The following NDST3 variants were observed in gnomAD, a reference collection of about 807,000 sequenced individuals.
The protein encoded by NDST3 is N-deacetylase and N-sulfotransferase 3, also known as bifunctional heparan sulfate N-deacetylase/N-sulfotransferase 3.
Under a neutral mutation model 96.1 loss-of-function variants are expected in NDST3, and 58 were observed. The ratio of observed to expected loss-of-function variants is 0.60; its 90% CI spans 0.49 to 0.75. NDST3 has a LOEUF of 0.75. Ranked by LOEUF, NDST3 falls within the 30% of genes least tolerant of loss-of-function variation. NDST3 has a pLI of 0.00. For synonymous variants in NDST3, 333 were observed against 359.7 expected, an observed-to-expected ratio of 0.93 and a Z score of 0.84; for missense variants, 788 against 1,034.2, an observed-to-expected ratio of 0.76 and a Z score of 3.27.
intron 2 of NDST3, among the ~76,000 whole-genome samples, chr4:118,060,336 TG>T (rs1725796706): frequency 6.6e-6 from 1 of 152,136 alleles, no homozygotes; most frequent in Non-Finnish European, 1.5e-5. Context: ...AATGTTGTTT[TG>T]CCTTTGTTTT....
intron 6 of NDST3, among the ~76,000 whole-genome samples, chr4:118,171,455 A>T (rs6820367): frequency 2.6e-5 from 4 of 151,984 alleles, no homozygotes; most frequent in South Asian, 2.1e-4. Flanking sequence ...ATTTCCTATC[A>T]TAACTCAGTA....
intron 6 of NDST3, among the ~76,000 whole-genome samples, chr4:118,165,289 GA>G (rs1055694906): frequency 2.0e-5 from 3 of 151,698 alleles, no homozygotes; most frequent in African/African-American, 7.3e-5. Flanking sequence ...ATTCATATCA[GA>G]AAAAATGGAC....
At chr4:118,149,203 T>C (rs1328781706) in intron 6 of NDST3, among the ~76,000 whole-genome samples, 2 of 152,232 alleles carry the variant, frequency 1.3e-5, no homozygotes, top group Non-Finnish European at 2.9e-5. Context: ...CCTCCAGCTT[T>C]GTTCTTTTGG....
At position 118,201,260 on chromosome 4, in the gene NDST3, C is replaced by A. The variant is rs1738067839; in HGVS notation, c.1540-23231C>A. ...ACAATGAACAGAAAAGTGCATGTGT[C>A]TTTTTGGTAGAATGATTTATTTTCT... On this transcript the variant is annotated intron_variant, in intron 6 of 13. Transcript: ENST00000296499. Among the ~76,000 whole-genome samples the A allele has an allele frequency of 2.0e-5, 3 of 152,182 alleles. No individual in the cohort carries two copies. In the South Asian group the frequency reaches 6.2e-4, roughly 31 times the overall value.
At chr4:118,102,850 T>A (rs1347720356) in intron 2 of NDST3, among the ~76,000 whole-genome samples, 2 of 152,140 alleles carry the variant, frequency 1.3e-5, no homozygotes, top group Non-Finnish European at 2.9e-5. Context: ...TTTTCCCCTC[T>A]TTACCATATA....
At chr4:118,066,186 ATCTTATATATTATATT>A (rs201975252) in intron 2 of NDST3, among the ~76,000 whole-genome samples, 2 of 72,138 alleles carry the variant, frequency 2.8e-5, no homozygotes, top group East Asian at 3.7e-4. Context: ...TATATTATAT[ATCTTATATATTATATT>A]TTATATATTA....
At chr4:118,241,978 A>AT (rs1248092789) in intron 11 of NDST3, 62 bp from the exon 12 acceptor site, 7 of 1,230,628 alleles carry the variant, frequency 5.7e-6, no homozygotes, top group South Asian at 2.5e-5. Flanking sequence ...GAATGCAGAA[A>AT]TTTTTCATTA....
At chr4:118,174,189 G>A (rs1736134877) in intron 6 of NDST3, among the ~76,000 whole-genome samples, 1 of 152,186 alleles carries the variant, frequency 6.6e-6, no homozygotes, top group Non-Finnish European at 1.5e-5. Context: ...TTCCTGTGTA[G>A]GCTGGAAACT....
intron 5 of NDST3, among the ~76,000 whole-genome samples, chr4:118,139,212 C>G (rs936294673): frequency 1.3e-5 from 2 of 152,202 alleles, no homozygotes; most frequent in African/African-American, 4.8e-5. Flanking sequence ...TGCCCTTCCT[C>G]TGTACTGAAA....
intron 6 of NDST3, among the ~76,000 whole-genome samples, chr4:118,210,387 T>G (rs1738708444): frequency 6.6e-6 from 1 of 152,182 alleles, no homozygotes; most frequent in Non-Finnish European, 1.5e-5. Flanking sequence ...ATAAGAATTA[T>G]GTGCCCTTTT....
At chr4:118,200,414 T>C (rs1737995029) in intron 6 of NDST3, among the ~76,000 whole-genome samples, 1 of 152,158 alleles carries the variant, frequency 6.6e-6, no homozygotes, top group Admixed American at 6.5e-5. Flanking sequence ...TTGTGTTGAA[T>C]GCTGCCTGGC....
chr4:118,063,995 A>G (rs951143269), intron 2 of NDST3, among the ~76,000 whole-genome samples: 2 of 152,206 alleles, frequency 1.3e-5, no homozygotes, highest in Admixed American at 1.3e-4. Context: ...GATGGGTTGT[A>G]TCTAAAGCTT....
At chr4:118,238,896 G>A (rs1444845240) in intron 10 of NDST3, among the ~76,000 whole-genome samples, 1 of 152,206 alleles carries the variant, frequency 6.6e-6, no homozygotes, top group African/African-American at 2.4e-5. Flanking sequence ...TACGTAAGGG[G>A]ATACATTTAG....
chr4:118,052,262 C>T (rs1350511695), intron 1 of NDST3, among the ~76,000 whole-genome samples: 2 of 151,966 alleles, frequency 1.3e-5, no homozygotes, highest in African/African-American at 4.8e-5. Context: ...GGACATAATC[C>T]TAAACAAATT....
chr4:118,136,915 T>A (rs1361929829), intron 4 of NDST3, among the ~76,000 whole-genome samples: 4 of 152,208 alleles, frequency 2.6e-5, no homozygotes, highest in Admixed American at 2.6e-4. Flanking sequence ...GGGCCTTTTA[T>A]GCTGTATCAA....
At chr4:118,231,366 C>T (rs941154925) in intron 8 of NDST3, among the ~76,000 whole-genome samples, 2 of 149,974 alleles carry the variant, frequency 1.3e-5, no homozygotes, top group African/African-American at 4.9e-5. Flanking sequence ...AATAATAATA[C>T]TATTTAAGTA....
At chr4:118,073,248 T>C (rs541687696) in intron 2 of NDST3, among the ~76,000 whole-genome samples, 20 of 152,214 alleles carry the variant, frequency 1.3e-4, no homozygotes, top group Admixed American at 5.9e-4. Flanking sequence ...ATAAGATAAG[T>C]TAAGGAGGAG....
At chr4:118,148,319 T>G (rs915027314) in intron 6 of NDST3, among the ~76,000 whole-genome samples, 1 of 152,076 alleles carries the variant, frequency 6.6e-6, no homozygotes, top group Non-Finnish European at 1.5e-5. Flanking sequence ...GCGCCAATAC[T>G]ACACTTGCTT....
chr4:118,246,594 G>GA (rs1741328801), intron 12 of NDST3, among the ~76,000 whole-genome samples: 1 of 151,954 alleles, frequency 6.6e-6, no homozygotes, highest in African/African-American at 2.4e-5. Flanking sequence ...GAACAAGAGC[G>GA]AAACTCCATC....
Sources: gnomAD v4.1 joint callset for allele counts (sites outside exome capture counted in the v4.1 genomes callset) on GRCh38, gnomAD v4.1.1 for gene constraint, MANE v1.5 for transcripts, NCBI Gene and HGNC (gene_info 2026-07-23, HGNC 2026-07-21) for gene names.